The following WDPCP variants were observed in gnomAD, a reference collection of about 807,000 sequenced individuals.
WDPCP encodes the protein WD repeat containing planar cell polarity effector.
A neutral mutation model predicts 93.1 loss-of-function variants in WDPCP; 71 were observed. The observed-to-expected ratio is 0.76, with a 90% CI of 0.63 to 0.93. WDPCP has a LOEUF of 0.93. Ranked by LOEUF, WDPCP falls within the 40% of genes least tolerant of loss-of-function variation. The probability of loss-of-function intolerance (pLI) is 0.00; values close to 1 mark genes in which losing one functional copy is unlikely to be tolerated. For synonymous variants in WDPCP, 315 were observed against 315.0 expected, an observed-to-expected ratio of 1.00 and a Z score of 0.00; for missense variants, 844 against 887.4, an observed-to-expected ratio of 0.95 and a Z score of 0.62.
chr2:63,427,581 G>C (rs185449142), intron 9 of WDPCP, among the ~76,000 whole-genome samples: 1 of 151,938 alleles, frequency 6.6e-6, no homozygotes, highest in South Asian at 2.1e-4. Flanking sequence ...TGGGTGAAAG[G>C]AATGTTAAGA....
intron 14 of WDPCP, among the ~76,000 whole-genome samples, chr2:63,215,153 C>A (rs534695378): frequency 6.6e-6 from 1 of 152,144 alleles, no homozygotes; most frequent in Non-Finnish European, 1.5e-5. Context: ...CAAAAAAGAG[C>A]CCGCATTGCC....
chr2:63,138,733 T>C (rs1336593622), intron 17 of WDPCP, among the ~76,000 whole-genome samples: 1 of 152,208 alleles, frequency 6.6e-6, no homozygotes, highest in Non-Finnish European at 1.5e-5. Context: ...ATTACAGGCA[T>C]GAGCCACCGT....
intron 14 of WDPCP, among the ~76,000 whole-genome samples, chr2:63,200,696 G>A (rs1196377483): frequency 6.6e-6 from 1 of 152,060 alleles, no homozygotes. Context: ...GGAGAGTGAG[G>A]ATGTTTATTG....
intron 13 of WDPCP, among the ~76,000 whole-genome samples, chr2:63,261,575 G>A (rs1173858513): frequency 6.6e-6 from 1 of 152,146 alleles, no homozygotes; most frequent in Non-Finnish European, 1.5e-5. Flanking sequence ...TAAAGATTTT[G>A]ATGATAGGAA....
intron 10 of WDPCP, among the ~76,000 whole-genome samples, chr2:63,388,974 T>C (rs185617412): frequency 6.6e-6 from 1 of 152,292 alleles, no homozygotes; most frequent in African/African-American, 2.4e-5. Context: ...GAAAACACTC[T>C]TCAGGATATT....
intron 2 of WDPCP, among the ~76,000 whole-genome samples, chr2:63,763,060 A>G (rs1026650788): frequency 4.6e-5 from 7 of 152,140 alleles, no homozygotes; most frequent in Non-Finnish European, 1.5e-5. Flanking sequence ...TCATCTTCTG[A>G]TGCAGCTCTC....
chr2:63,512,140 A>C (rs1702275322), intron 1 of WDPCP, among the ~76,000 whole-genome samples: 1 of 152,244 alleles, frequency 6.6e-6, no homozygotes, highest in Non-Finnish European at 1.5e-5. Flanking sequence ...ATATGAAAAA[A>C]AGCTCATCAT....
At position 63,121,952 on chromosome 2, in the gene WDPCP, C is replaced by G; in HGVS notation, c.*54G>C. 1 of 1,610,956 alleles carries G rather than the reference C, an allele frequency of 6.2e-7. No individual in the cohort carries two copies. Among genetic ancestry groups the G allele is most frequent in the Non-Finnish European group, 8.5e-7 (1 of 1,179,050 alleles). On this transcript the variant is annotated 3_prime_UTR_variant, in exon 18 of 18. Coordinates refer to ENST00000272321, the MANE Select transcript of WDPCP (RefSeq NM_015910.7). ...CACACGGGGGATTTTAAGTCTGTAT[C>G]AGGCCATGAAAAGTTTAGATATGAA...
chr2:63,647,963 TG>T (rs1447553437), intron 3 of WDPCP, among the ~76,000 whole-genome samples: 1 of 152,178 alleles, frequency 6.6e-6, no homozygotes, highest in Admixed American at 6.5e-5. Flanking sequence ...TACTACCATT[TG>T]AGAATGAATG....
intron 6 of WDPCP, among the ~76,000 whole-genome samples, chr2:63,466,999 A>G (rs1476863415): frequency 6.6e-6 from 1 of 152,240 alleles, no homozygotes; most frequent in East Asian, 1.9e-4. Context: ...TTGATGATAC[A>G]AAGATATATT....
rs536827810 is a variant in WDPCP at position 63,340,741 on chromosome 2, G to C, written c.1749-27430C>G. ...TCACTTCTCTGTGGCCCTGGGATCT[G>C]TATCATCCTCATATTTGAGTTCTGG... On this transcript the variant is annotated intron_variant, in intron 12 of 17. Coordinates refer to ENST00000272321, the MANE Select transcript of WDPCP (RefSeq NM_015910.7). Among the ~76,000 whole-genome samples the C allele has an allele frequency of 2.2e-4, 33 of 152,228 alleles. No individual in the cohort carries two copies. In the South Asian group the frequency reaches 5.8e-3, roughly 27 times the overall value.
At chr2:63,558,982 A>G (rs937642157) in intron 1 of WDPCP, among the ~76,000 whole-genome samples, 3 of 152,218 alleles carry the variant, frequency 2.0e-5, no homozygotes, top group Admixed American at 2.0e-4. Context: ...ACAACAAAAA[A>G]AGAAAATTTC....
At position 63,403,914 on chromosome 2, in the gene WDPCP, G is replaced by A. The variant is rs548817889; in HGVS notation, c.1435+134C>T. 6.0e-5 allele frequency: 75 copies of A among 1,242,492 alleles called. 1 individual carries two copies. In the South Asian group the frequency reaches 1.0e-3, roughly 17 times the overall value. The allele number at this position is 1,242,492 out of a possible 1,614,324, so 77.0% of individuals were successfully genotyped here. A position where few individuals can be genotyped will look rare whatever the true frequency, so the allele number is the denominator to read the frequency against. ...AGTCATCCACAAAAGGGAACTATATGGATATTTGAAAGGCAAACATATTTA... is the reference window on the plus strand; with the variant it reads ...AGTCATCCACAAAAGGGAACTATATAGATATTTGAAAGGCAAACATATTTA... On this transcript the variant is annotated intron_variant, in intron 10 of 17. Transcript: ENST00000272321.
intron 12 of WDPCP, among the ~76,000 whole-genome samples, chr2:63,334,802 C>T (rs1352841206): frequency 6.8e-6 from 1 of 147,178 alleles, no homozygotes; most frequent in Admixed American, 6.8e-5. Context: ...ACGAACCTGC[C>T]TCCAATTTTA....
At chr2:63,834,134 T>G in the WDPCP span, among the ~76,000 whole-genome samples, 1 of 152,224 alleles carries the variant, frequency 6.6e-6, no homozygotes, top group Non-Finnish European at 1.5e-5. Context: ...ATTACTCCAT[T>G]TGTGACTTTA....
chr2:63,339,180 T>C (rs964392635), intron 12 of WDPCP, among the ~76,000 whole-genome samples: 2 of 152,094 alleles, frequency 1.3e-5, no homozygotes, highest in Non-Finnish European at 2.9e-5. Context: ...ATTTTTTTAA[T>C]TTTTATTTTT....
chr2:63,618,462 C>A (rs114002927), intron 3 of WDPCP, among the ~76,000 whole-genome samples: 2,742 of 152,206 alleles, frequency 0.018, 68 homozygotes, highest in African/African-American at 0.06. Context: ...TAAGCATTTT[C>A]TTTTTCTTTC....
chr2:63,549,910 A>AT (rs1343164606), intron 1 of WDPCP, among the ~76,000 whole-genome samples: 1 of 152,102 alleles, frequency 6.6e-6, no homozygotes, highest in Non-Finnish European at 1.5e-5. Flanking sequence ...GAGATGTGAA[A>AT]TTTAGTTGTT....
intron 2 of WDPCP, among the ~76,000 whole-genome samples, chr2:63,659,525 C>A (rs1710203699): frequency 6.6e-6 from 1 of 152,004 alleles, no homozygotes. Context: ...GGCAATGTGA[C>A]CAGGAAGGCA....
Sources: allele counts gnomAD v4.1 joint callset (sites outside exome capture counted in the v4.1 genomes callset), GRCh38; gene constraint gnomAD v4.1.1; transcripts MANE v1.5; gene names NCBI Gene and HGNC (gene_info 2026-07-23, HGNC 2026-07-21).